The following NRG2 variants were observed in gnomAD, a reference collection of about 807,000 sequenced individuals.
The protein encoded by NRG2 is pro-neuregulin-2, membrane-bound isoform.
In NRG2, 27 loss-of-function variants were observed where a neutral mutation model predicts 73.9. The ratio of observed to expected loss-of-function variants is 0.37; its 90% CI spans 0.27 to 0.50. The LOEUF is 0.50. Among genes scored for constraint, NRG2 ranks in the 20% least tolerant of loss-of-function variants. NRG2 has a pLI of 0.96. For missense variants in NRG2, 1,126 were observed against 1,210.1 expected (o/e 0.93, Z 1.03); for synonymous variants, 532 against 541.0 (o/e 0.98, Z 0.23).
chr5:139,943,321 TG>T (rs1261049301), intron 1 of NRG2, among the ~76,000 whole-genome samples: 7 of 152,072 alleles, frequency 4.6e-5, no homozygotes, highest in African/African-American at 1.7e-4. Context: ...TAATTTTTTT[TG>T]TATTTTTAGT....
chr5:139,862,035 G>A (rs773229583), intron 5 of NRG2, among the ~76,000 whole-genome samples: 6 of 152,218 alleles, frequency 3.9e-5, no homozygotes, highest in Non-Finnish European at 5.9e-5. Flanking sequence ...GGAGGCAGAA[G>A]GGAGACTGGA....
intron 1 of NRG2, among the ~76,000 whole-genome samples, chr5:139,995,557 C>G (rs1012113836): frequency 6.6e-6 from 1 of 152,102 alleles, no homozygotes; most frequent in Non-Finnish European, 1.5e-5. Flanking sequence ...AGACCAGGAG[C>G]GGGCAGGCTC....
chr5:140,029,198 A>C (rs1760938706), intron 1 of NRG2, among the ~76,000 whole-genome samples: 1 of 152,202 alleles, frequency 6.6e-6, no homozygotes, highest in South Asian at 2.1e-4. Context: ...GCCATACCAC[A>C]ATCGATAACT....
At position 139,947,552 on chromosome 5, in the gene NRG2, G is replaced by C. The variant is rs115962955; in HGVS notation, c.701-60041C>G. Among the ~76,000 whole-genome samples, 580 of 152,272 alleles carry C rather than the reference G, an allele frequency of 3.8e-3. 3 individuals are homozygous for C. The highest frequency in any genetic ancestry group is 0.013 in the African/African-American group (547 of 41,556). On this transcript the variant is annotated intron_variant, in intron 1 of 9. Transcript: ENST00000361474. ...TGCTTCTGTGAACATTTGTGTACAAGTTTTTGTAAAGACATACGTTTTCAT... is the reference window on the plus strand; with the variant it reads ...TGCTTCTGTGAACATTTGTGTACAACTTTTTGTAAAGACATACGTTTTCAT...
chr5:139,908,024 G>C (rs1226582075), intron 1 of NRG2, among the ~76,000 whole-genome samples: 2 of 152,254 alleles, frequency 1.3e-5, no homozygotes, highest in East Asian at 1.9e-4. Context: ...CCATTTTACA[G>C]ATGAGGAAAC....
chr5:139,956,316 C>A (rs1248149170), intron 1 of NRG2, among the ~76,000 whole-genome samples: 1 of 152,066 alleles, frequency 6.6e-6, no homozygotes, highest in Non-Finnish European at 1.5e-5. Flanking sequence ...CAGCTAGCAC[C>A]TCCCCCAGAA....
At chr5:139,913,526 C>T (rs144916231) in intron 1 of NRG2, among the ~76,000 whole-genome samples, 195 of 152,362 alleles carry the variant, frequency 1.3e-3, no homozygotes, top group Middle Eastern at 6.8e-3. Flanking sequence ...GACTCAGGGG[C>T]TCCCCCGGCA....
intron 1 of NRG2, among the ~76,000 whole-genome samples, chr5:139,952,564 G>T (rs1754291285): frequency 6.6e-6 from 1 of 152,138 alleles, no homozygotes; most frequent in South Asian, 2.1e-4. Flanking sequence ...TTTCAAGTGG[G>T]TCCTTCCCAC....
intron 9 of NRG2, among the ~76,000 whole-genome samples, chr5:139,849,215 C>T (rs1761246068): frequency 6.6e-6 from 1 of 152,156 alleles, no homozygotes; most frequent in African/African-American, 2.4e-5. Context: ...ATTTACACAG[C>T]CAAGAAGTGG....
intron 1 of NRG2, among the ~76,000 whole-genome samples, chr5:140,017,614 T>C (rs1278192875): frequency 6.6e-6 from 1 of 152,072 alleles, no homozygotes; most frequent in Non-Finnish European, 1.5e-5. Flanking sequence ...ATGAAACATG[T>C]ACATTAGGGT....
intron 1 of NRG2, among the ~76,000 whole-genome samples, chr5:140,021,145 C>T (rs1053475093): frequency 1.3e-5 from 2 of 152,258 alleles, no homozygotes; most frequent in Admixed American, 1.3e-4. Context: ...ATCATCTCCT[C>T]TGATCCTCAC....
In NRG2 at chr5:139,851,207, C is replaced by G. The variant is rs906241948; in HGVS notation, c.1772+397G>C. Among the ~76,000 whole-genome samples, 1 of 152,162 alleles carries G rather than the reference C, an allele frequency of 6.6e-6. No homozygotes were observed. Among genetic ancestry groups the G allele is most frequent in the African/African-American group, 2.4e-5 (1 of 41,440 alleles). Reference sequence around the variant, plus strand: ...TTCACCATGTTGGCCAGACTAGTCTCAAACTCCTGACCTCAGGTGATCCAT... The same window carrying G: ...TTCACCATGTTGGCCAGACTAGTCTGAAACTCCTGACCTCAGGTGATCCAT... On this transcript the variant is annotated intron_variant, in intron 9 of 9. Transcript: ENST00000361474. This position sits in a 1 kb window ranked among gnomAD's most constrained non-coding sequence, Gnocchi z 4.2.
intron 1 of NRG2, among the ~76,000 whole-genome samples, chr5:139,950,546 T>C (rs1011668139): frequency 3.3e-5 from 5 of 152,110 alleles, no homozygotes; most frequent in African/African-American, 1.2e-4. Flanking sequence ...AGAACCAGAG[T>C]AGGAGGAGGG....
intron 5 of NRG2, chr5:139,859,984 G>C: frequency 6.8e-7 from 1 of 1,477,422 alleles, no homozygotes; most frequent in Non-Finnish European, 9.4e-7. Flanking sequence ...GGGGACAGGG[G>C]GAGAGAGAGA....
At chr5:139,918,576 A>T (rs756058359) in intron 1 of NRG2, among the ~76,000 whole-genome samples, 6 of 152,162 alleles carry the variant, frequency 3.9e-5, no homozygotes, top group Non-Finnish European at 8.8e-5. Context: ...TGGTTAGTAA[A>T]CAGCCCAGAC....
At chr5:139,963,407 C>T (rs1428932856) in intron 1 of NRG2, among the ~76,000 whole-genome samples, 1 of 152,234 alleles carries the variant, frequency 6.6e-6, no homozygotes, top group Non-Finnish European at 1.5e-5. Flanking sequence ...AAACCCGTCC[C>T]TATCTCAACC....
At chr5:140,041,966 G>T (rs559015102) in intron 1 of NRG2, among the ~76,000 whole-genome samples, 2 of 152,020 alleles carry the variant, frequency 1.3e-5, no homozygotes, top group Non-Finnish European at 2.9e-5. Flanking sequence ...CCTGGGCACG[G>T]CAGGCCCGCG....
At position 140,042,890 on chromosome 5, in the gene NRG2, A is replaced by G. The variant is rs1303655543; in HGVS notation, c.180T>C (p.Ala60=). The G allele has an allele frequency of 2.0e-6, 3 of 1,521,140 alleles. No homozygotes were observed. The highest frequency in any genetic ancestry group is 4.0e-5 in the Admixed American group (2 of 49,998). The allele number at this position is 1,521,140 out of a possible 1,614,324, so 94.2% of individuals were successfully genotyped here. Residue 60 remains alanine, a synonymous_variant, in exon 1 of 10, where the codon GCT becomes GCC. Coordinates refer to ENST00000361474, the MANE Select transcript of NRG2 (RefSeq NM_004883.3). The part of the protein sequence containing the change: ...SSNNSSISRP[A]APPEPRPQQQ... ...GCTGCGGCCGCGGCTCTGGGGGCGC[A>G]GCGGGACGAGAGATGCTGCTGTTGT...
intron 4 of NRG2, among the ~76,000 whole-genome samples, chr5:139,871,357 G>GA (rs1274921706): frequency 6.6e-6 from 1 of 152,162 alleles, no homozygotes; most frequent in Non-Finnish European, 1.5e-5. Context: ...GGGAGGAAAA[G>GA]AGGGGGGGAA....
Sources: gnomAD v4.1 joint callset for allele counts (sites outside exome capture counted in the v4.1 genomes callset) on GRCh38, gnomAD v4.1.1 for gene constraint, Gnocchi (gnomAD v3.1) non-coding constraint, MANE v1.5 for transcripts, NCBI Gene and HGNC (gene_info 2026-07-23, HGNC 2026-07-21) for gene names.